Variants in GPSM1 observed in about 807,000 individuals in gnomAD.
GPSM1 encodes the protein G protein signaling modulator 1.
Under a neutral mutation model 70.5 loss-of-function variants are expected in GPSM1, and 48 were observed. The ratio of observed to expected loss-of-function variants is 0.68; its 90% CI spans 0.54 to 0.87. The LOEUF is 0.87. GPSM1 is among the 40% of genes least tolerant of loss of function. The pLI, the probability that GPSM1 is intolerant of heterozygous loss-of-function variation, is 0.00. For missense variants in GPSM1, 981 were observed against 972.6 expected, an observed-to-expected ratio of 1.01 and a Z score of -0.11; for synonymous variants, 416 against 430.1, an observed-to-expected ratio of 0.97 and a Z score of 0.41.
At chr9:136,339,956 C>T (rs1186533268) in intron 8 of GPSM1, 141 bp downstream of exon 8, 6 of 630,024 alleles carry the variant, frequency 9.5e-6, no homozygotes, top group African/African-American at 1.8e-5. Flanking sequence ...CTGGTCCTTC[C>T]GAGGCCTGGT....
chr9:136,337,455 T>A lies in GPSM1; in HGVS notation c.593T>A (p.Leu198Gln). ...TCGGCCCCCAGGAGGAACCTGTCCC[T>A]GGTGAAGGAGCTGGGCGACCGTGCG... The part of the protein sequence containing the change: ...ASEFYERNLS[L>Q]VKELGDRAAQ... Residue 198 changes from leucine to glutamine, a missense_variant, in exon 5 of 14, where the codon CTG (leucine) becomes CAG (glutamine). By Grantham distance (113) the Leu-to-Gln change is moderately radical. Transcript: ENST00000440944. 6.4e-7 allele frequency: 1 copy of A among 1,569,946 alleles called. No individual in the cohort carries two copies. Among genetic ancestry groups the A allele is most frequent in the African/African-American group, 1.3e-5 (1 of 74,584 alleles).
chr9:136,336,120 G>T lies in GPSM1; in HGVS notation c.426+19G>T. The T allele has an allele frequency of 1.2e-6, 2 of 1,607,006 alleles. No homozygotes were observed. The highest frequency in any genetic ancestry group is 1.7e-6 in the Non-Finnish European group (2 of 1,179,258). On this transcript the variant is annotated intron_variant, in intron 3 of 13. Transcript: ENST00000440944. ...AGACAAGGTGGGGGCTTGGTCCGGGGCTGGGTGTCTCCCACCCCTGCACCG... is the reference window on the plus strand; with the variant it reads ...AGACAAGGTGGGGGCTTGGTCCGGGTCTGGGTGTCTCCCACCCCTGCACCG...
At chr9:136,331,484 G>T (rs1357850466) in intron 1 of GPSM1, among the ~76,000 whole-genome samples, 2 of 152,164 alleles carry the variant, frequency 1.3e-5, no homozygotes, top group Non-Finnish European at 2.9e-5. Context: ...CCGGTAGGCG[G>T]CCAGGGGCCA....
Position 136,348,730 on chromosome 9 carries a change from C to G in GPSM1, c.1241C>G (p.Ala414Gly), listed in dbSNP as rs144658137. ...ARPKRTQRLS[A>G]ETWDLLRLPL... The stretch of plus-strand genomic sequence containing the variant: ...CCCAAGAGGACGCAGAGGCTGAGCG[C>G]GGAGACCTGGGACCTGCTGAGACTC... Residue 414 changes from alanine to glycine, a missense_variant, in exon 10 of 14, where the codon GCG (alanine) becomes GGG (glycine). By Grantham distance (60) the Ala-to-Gly change is moderately conservative (BLOSUM62 0). Transcript: ENST00000440944. 6.8e-6 allele frequency: 11 copies of G among 1,612,210 alleles called. No individual in the cohort carries two copies. Among genetic ancestry groups the G allele is most frequent in the Non-Finnish European group, 9.3e-6 (11 of 1,179,616 alleles).
rs1564358977 is a variant in GPSM1 at position 136,356,387 on chromosome 9, ACCT to A, written c.1660_1662del (p.Leu554del). On this transcript the variant is annotated inframe_deletion, in exon 13 of 14. Transcript: ENST00000440944. ...TCGCCCCAGACCGAGGAATTCTTCGACCTCATCGCCAGCTCCCAGAGCCGCCGG... is the reference window on the plus strand; with the variant it reads ...TCGCCCCAGACCGAGGAATTCTTCGACATCGCCAGCTCCCAGAGCCGCCGG... 6.2e-7 allele frequency: 1 copy of A among 1,608,232 alleles called. No individual in the cohort carries two copies. The highest frequency in any genetic ancestry group is 1.7e-5 in the Admixed American group (1 of 59,608).
Position 136,336,071 on chromosome 9 carries a change from T to C in GPSM1, c.396T>C (p.His132=). The change falls in exon 3 of 14, where the codon CAT becomes CAC. Residue 132 remains histidine (H), a synonymous_variant. Coordinates refer to ENST00000440944, the MANE Select transcript of GPSM1 (RefSeq NM_001145638.3). ...AGGCTGCCGTCTGCTGCCAGCGGCA[T>C]CTGAGCATCGCCCAAGAGCAGGGAG... ...FDEAAVCCQR[H]LSIAQEQGDK... 6.2e-7 allele frequency: 1 copy of C among 1,612,038 alleles called. No homozygotes were observed. Among genetic ancestry groups the C allele is most frequent in the South Asian group, 1.1e-5 (1 of 91,018 alleles).
At position 136,358,499 on chromosome 9, in the gene GPSM1, A is replaced by C. The variant is rs1832908868; in HGVS notation, c.*279A>C. On this transcript the variant is annotated 3_prime_UTR_variant, in exon 14 of 14. Transcript: ENST00000440944. ...ATGTCGGCCCCGACCTGGTGCTGTC[A>C]GACTCCCGCATCCTCTCCCCCAAGC... 2 of 542,108 alleles carry C rather than the reference A, an allele frequency of 3.7e-6. No individual in the cohort carries two copies. The highest frequency in any genetic ancestry group is 7.4e-5 in the Admixed American group (2 of 26,876). The allele number at this position is 542,108 out of a possible 1,614,324, so 33.6% of individuals were successfully genotyped here.
chr9:136,356,917 C>T (rs920981793), intron 13 of GPSM1, among the ~76,000 whole-genome samples: 6 of 152,310 alleles, frequency 3.9e-5, no homozygotes, highest in South Asian at 4.1e-4. Flanking sequence ...AGGGAAAACA[C>T]GGGCCAGATA....
At chr9:136,337,761 C>T in intron 5 of GPSM1, 85 bp from the exon 6 acceptor site, 1 of 1,161,286 alleles carries the variant, frequency 8.6e-7, no homozygotes, top group Non-Finnish European at 1.3e-6. Context: ...TGGCCGGCCA[C>T]CTGGGCAGGG....
chr9:136,358,032 C>A lies in GPSM1; in HGVS notation c.1840C>A (p.Gln614Lys), dbSNP rs539775258. The A allele has an allele frequency of 3.7e-6, 6 of 1,612,614 alleles. No homozygotes were observed. The East Asian group carries it at 1.1e-4, about 30-fold the overall frequency. ...CACCCAGTCCTCCAGGATCGATGACCAGCGCTGCCCGCCACCTGACGTACT... is the reference window on the plus strand; with the variant it reads ...CACCCAGTCCTCCAGGATCGATGACAAGCGCTGCCCGCCACCTGACGTACT... ...IKYQSSRIDD[Q>K]RCPPPDVLPR... The change falls in exon 14 of 14, where the codon CAG (glutamine) becomes AAG (lysine). Residue 614 changes from glutamine (Q) to lysine (K), a missense_variant. By Grantham distance (53) the Gln-to-Lys change is moderately conservative (BLOSUM62 1). Coordinates refer to ENST00000440944, the MANE Select transcript of GPSM1 (RefSeq NM_001145638.3).
In GPSM1 at chr9:136,356,569, C is replaced by A; in HGVS notation, c.1821+19C>A. ...GTACCAGGTGGGCTGCGGCCCTGGG[C>A]GGGCGTGGCTCGCGGCCCCTTTGCC... On this transcript the variant is annotated intron_variant, in intron 13 of 13. Transcript: ENST00000440944. 6.3e-7 allele frequency: 1 copy of A among 1,580,508 alleles called. No homozygotes were observed. The highest frequency in any genetic ancestry group is 2.3e-5 in the East Asian group (1 of 44,244).
intron 9 of GPSM1, among the ~76,000 whole-genome samples, chr9:136,345,711 G>A (rs1187413911): frequency 1.3e-5 from 2 of 152,218 alleles, no homozygotes; most frequent in Non-Finnish European, 2.9e-5. Flanking sequence ...ACCGGGAGAC[G>A]GAGCGGGGCT....
chr9:136,355,945 AC>A, intron 12 of GPSM1, 99 bp downstream of exon 12: 1 of 1,002,240 alleles, frequency 1.0e-6, no homozygotes, highest in Non-Finnish European at 1.4e-6. Flanking sequence ...TCGGGGGCAG[AC>A]CAGCAGGCCA....
intron 11 of GPSM1, among the ~76,000 whole-genome samples, chr9:136,353,334 G>A (rs568292565): frequency 2.0e-5 from 3 of 152,204 alleles, no homozygotes; most frequent in African/African-American, 4.8e-5. Context: ...TGAGGCCTCC[G>A]GGAAGGAGGG....
intron 11 of GPSM1, among the ~76,000 whole-genome samples, chr9:136,351,382 TG>T (rs782138583): frequency 1.3e-5 from 2 of 152,074 alleles, no homozygotes; most frequent in Non-Finnish European, 2.9e-5. Context: ...ACACCTGCCC[TG>T]TCCACAGCTG....
chr9:136,338,532 G>T, intron 6 of GPSM1, 23 bp from the exon 7 acceptor site: 2 of 1,598,218 alleles, frequency 1.3e-6, no homozygotes, highest in East Asian at 2.3e-5. Context: ...CCTCCTGGGG[G>T]CTGACCCTGC....
chr9:136,329,449 C>G (rs891442498), intron 1 of GPSM1, among the ~76,000 whole-genome samples: 2 of 152,232 alleles, frequency 1.3e-5, no homozygotes, highest in African/African-American at 4.8e-5. Flanking sequence ...CATGCTGGGG[C>G]TGGAGAGCAA....
intron 11 of GPSM1, among the ~76,000 whole-genome samples, chr9:136,354,362 C>T (rs1261702181): frequency 3.3e-5 from 5 of 152,132 alleles, no homozygotes; most frequent in South Asian, 2.1e-4. Flanking sequence ...GGTCAGGTGT[C>T]GGGAATTCCA....
intron 8 of GPSM1, 107 bp downstream of exon 8, chr9:136,339,922 T>G: frequency 1.4e-6 from 1 of 710,246 alleles, no homozygotes; most frequent in Non-Finnish European, 2.5e-6. Flanking sequence ...GCCCCCCTCA[T>G]CCTTTCAGGG....
Sources: gnomAD v4.1 joint callset for allele counts (sites outside exome capture counted in the v4.1 genomes callset) on GRCh38, gnomAD v4.1.1 for gene constraint, MANE v1.5 for transcripts, NCBI Gene and HGNC (gene_info 2026-07-23, HGNC 2026-07-21) for gene names.